The following SH3RF3 variants were observed in gnomAD, a reference collection of about 807,000 sequenced individuals.
The protein encoded by SH3RF3 is SH3 domain containing ring finger 3.
In SH3RF3, 29 loss-of-function variants were observed where a neutral mutation model predicts 66.3. That is an observed-to-expected ratio of 0.44 (90% CI 0.33 to 0.60). SH3RF3 has a LOEUF of 0.60. Ranked by LOEUF, SH3RF3 falls within the 20% of genes least tolerant of loss-of-function variation. The pLI, the probability that SH3RF3 is intolerant of heterozygous loss-of-function variation, is 0.04. For missense variants in SH3RF3, 1,194 were observed against 1,190.9 expected, an observed-to-expected ratio of 1.00 and a Z score of -0.04; for synonymous variants, 583 against 532.0, an observed-to-expected ratio of 1.10 and a Z score of -1.32.
chr2:109,133,332 C>G (rs1348079661), intron 1 of SH3RF3, among the ~76,000 whole-genome samples: 1 of 152,182 alleles, frequency 6.6e-6, no homozygotes, highest in Non-Finnish European at 1.5e-5. Flanking sequence ...GTTTGAAAAT[C>G]TCTTCTGTGT....
At chr2:109,429,206 A>T (rs1023631003) in intron 5 of SH3RF3, among the ~76,000 whole-genome samples, 35 of 152,150 alleles carry the variant, frequency 2.3e-4, no homozygotes, top group African/African-American at 8.0e-4. Context: ...AGGACAGCAG[A>T]TGCAGTTGAC....
intron 1 of SH3RF3, among the ~76,000 whole-genome samples, chr2:109,249,032 C>G (rs1679992355): frequency 6.6e-6 from 1 of 152,094 alleles, no homozygotes; most frequent in South Asian, 2.1e-4. Flanking sequence ...TAGGTGCATG[C>G]CACCATGCCC....
intron 4 of SH3RF3, among the ~76,000 whole-genome samples, chr2:109,417,522 G>GCACAGGACCCTC (rs889573648): frequency 4.6e-5 from 7 of 152,162 alleles, no homozygotes; most frequent in Non-Finnish European, 1.5e-5. Context: ...CATGAGGCAG[G>GCACAGGACCCTC]CACAGGACCC....
At position 109,252,092 on chromosome 2, in the gene SH3RF3, C is replaced by T. The variant is rs566971184; in HGVS notation, c.574-95582C>T. Reference sequence around the variant, plus strand: ...AGAGATGCCATCTCTACAAAAAATACAAATAGCTGAGTGGGGTGTCACAGG... The same window carrying T: ...AGAGATGCCATCTCTACAAAAAATATAAATAGCTGAGTGGGGTGTCACAGG... On this transcript the variant is annotated intron_variant, in intron 1 of 9. Transcript: ENST00000309415. Among the ~76,000 whole-genome samples the T allele has an allele frequency of 2.1e-3, 127 of 61,910 alleles. 5 individuals are homozygous for T. In the South Asian group the frequency reaches 0.054, roughly 26 times the overall value. The allele number at this position is 61,910 out of a possible 152,430, so 40.6% of individuals were successfully genotyped here.
chr2:109,166,336 G>A (rs1677619774), intron 1 of SH3RF3, among the ~76,000 whole-genome samples: 1 of 152,058 alleles, frequency 6.6e-6, no homozygotes, highest in Admixed American at 6.6e-5. Context: ...AATTAGCCGA[G>A]TGTGGTGGTG....
intron 3 of SH3RF3, among the ~76,000 whole-genome samples, chr2:109,381,144 G>A (rs1287441179): frequency 6.6e-6 from 1 of 152,212 alleles, no homozygotes; most frequent in Non-Finnish European, 1.5e-5. Flanking sequence ...AGGCTTAAGT[G>A]AGTCATCTCC....
In SH3RF3 at chr2:109,501,698, A is replaced by T; in HGVS notation, c.*27A>T. On this transcript the variant is annotated 3_prime_UTR_variant, in exon 10 of 10. Transcript: ENST00000309415. The stretch of plus-strand genomic sequence containing the variant: ...AACTGGTGCTCCCTGCACCCAGCTC[A>T]CAGAGGGGGAGGCCGCCTGGGAAGC... 1.4e-6 allele frequency: 1 copy of T among 736,054 alleles called. No homozygotes were observed. Among genetic ancestry groups the T allele is most frequent in the South Asian group, 1.4e-5 (1 of 69,090 alleles). 45.6% of individuals were successfully genotyped at this position (736,054 alleles called of 1,614,324 possible). A position where few individuals can be genotyped will look rare whatever the true frequency, so the allele number is the denominator to read the frequency against.
Position 109,230,858 on chromosome 2 carries a change from T to C in SH3RF3, c.573+100745T>C, listed in dbSNP as rs140737266. On this transcript the variant is annotated intron_variant, in intron 1 of 9. Transcript: ENST00000309415. Reference sequence around the variant, plus strand: ...CTTCATTTCTAAATCCCCTAGGAGTTCACTGGCCAATAGGACTCCCTTTGG... The same window carrying C: ...CTTCATTTCTAAATCCCCTAGGAGTCCACTGGCCAATAGGACTCCCTTTGG... Among the ~76,000 whole-genome samples, 11 of 152,334 alleles carry C rather than the reference T, an allele frequency of 7.2e-5. No homozygotes were observed. In the East Asian group the frequency reaches 2.1e-3, roughly 29 times the overall value.
intron 8 of SH3RF3, among the ~76,000 whole-genome samples, chr2:109,463,301 G>A (rs538989879): frequency 6.6e-6 from 1 of 152,302 alleles, no homozygotes; most frequent in South Asian, 2.1e-4. Context: ...TGTCTGTTTT[G>A]GTAACTTGTC....
intron 1 of SH3RF3, among the ~76,000 whole-genome samples, chr2:109,305,252 G>A (rs548848991): frequency 6.6e-6 from 1 of 152,304 alleles, no homozygotes; most frequent in East Asian, 1.9e-4. Flanking sequence ...TTCCCCCTGG[G>A]AAGTTCAGTG....
At chr2:109,276,711 A>G (rs1316829901) in intron 1 of SH3RF3, among the ~76,000 whole-genome samples, 18 of 152,286 alleles carry the variant, frequency 1.2e-4, no homozygotes, top group Non-Finnish European at 1.5e-5. Context: ...CTTGTTTTAA[A>G]TCACATTATT....
At chr2:109,386,389 G>C (rs1199808656) in intron 3 of SH3RF3, among the ~76,000 whole-genome samples, 1 of 152,148 alleles carries the variant, frequency 6.6e-6, no homozygotes, top group Non-Finnish European at 1.5e-5. Flanking sequence ...AAACACCAGG[G>C]GGCCGCTATG....
intron 2 of SH3RF3, among the ~76,000 whole-genome samples, chr2:109,370,207 CTG>C (rs1324376211): frequency 3.7e-4 from 54 of 145,644 alleles, no homozygotes; most frequent in African/African-American, 1.5e-3. Flanking sequence ...GTCTCTGTCT[CTG>C]TCTCTGTCTC....
chr2:109,167,644 T>C (rs569720986), intron 1 of SH3RF3, among the ~76,000 whole-genome samples: 2 of 152,376 alleles, frequency 1.3e-5, no homozygotes, highest in Admixed American at 6.5e-5. Context: ...CGATCTCGGC[T>C]CACTGCAACC....
intron 1 of SH3RF3, among the ~76,000 whole-genome samples, chr2:109,309,195 G>A (rs1681669690): frequency 7.2e-6 from 1 of 138,034 alleles, no homozygotes; most frequent in African/African-American, 3.1e-5. Context: ...AACTGTGAAT[G>A]GGAGTTCACT....
intron 1 of SH3RF3, among the ~76,000 whole-genome samples, chr2:109,337,068 G>A (rs369160268): frequency 6.6e-6 from 1 of 152,202 alleles, no homozygotes; most frequent in Non-Finnish European, 1.5e-5. Flanking sequence ...ATAGCAAACC[G>A]TATTTAGTAT....
At chr2:109,479,791 C>T (rs189144409) in intron 8 of SH3RF3, among the ~76,000 whole-genome samples, 18 of 152,324 alleles carry the variant, frequency 1.2e-4, no homozygotes, top group South Asian at 2.1e-4. Flanking sequence ...TGCAATTCTA[C>T]GGGTTTCGCA....
At chr2:109,171,775 A>G (rs891418) in intron 1 of SH3RF3, among the ~76,000 whole-genome samples, 125,168 of 152,298 alleles carry the variant, frequency 0.82, 51,576 homozygotes, top group East Asian at 0.89. Context: ...CCTGCCGTGC[A>G]TCCCGGCCAC....
intron 1 of SH3RF3, among the ~76,000 whole-genome samples, chr2:109,290,458 C>T (rs771612257): frequency 5.3e-5 from 8 of 152,250 alleles, no homozygotes; most frequent in Admixed American, 3.3e-4. Flanking sequence ...TTTCATTACC[C>T]GGAATCCTCA....
Sources: gnomAD v4.1 joint callset for allele counts (sites outside exome capture counted in the v4.1 genomes callset) on GRCh38, gnomAD v4.1.1 for gene constraint, MANE v1.5 for transcripts, NCBI Gene and HGNC (gene_info 2026-07-23, HGNC 2026-07-21) for gene names.